The following EVL variants were observed in gnomAD, a reference collection of about 807,000 sequenced individuals.
EVL encodes Enah/Vasp-like.
In EVL, 21 loss-of-function variants were observed where a neutral mutation model predicts 59.6. The ratio of observed to expected loss-of-function variants is 0.35; its 90% confidence interval spans 0.25 to 0.51. The LOEUF (loss-of-function observed/expected upper bound fraction) is 0.51. Among genes scored for constraint, EVL ranks in the 20% least tolerant of loss-of-function variants. The pLI is 0.97. For missense variants in EVL, 462 were observed against 546.6 expected (o/e 0.85, Z 1.54); for synonymous variants, 198 against 203.5 (o/e 0.97, Z 0.23).
chr14:99,994,825 G>A (rs1338238787), intron 1 of EVL, among the ~76,000 whole-genome samples: 1 of 152,080 alleles, frequency 6.6e-6, no homozygotes, highest in Non-Finnish European at 1.5e-5. Context: ...TTTCTAGTAG[G>A]GGAGGTTTAG....
chr14:100,014,635 G>T (rs766760371), intron 1 of EVL, among the ~76,000 whole-genome samples: 3 of 152,106 alleles, frequency 2.0e-5, no homozygotes, highest in Non-Finnish European at 4.4e-5. Flanking sequence ...TCCTTTCTTT[G>T]GGGTATATAT....
At chr14:100,125,797 G>A (rs886949839) in intron 4 of EVL, among the ~76,000 whole-genome samples, 20 of 151,912 alleles carry the variant, frequency 1.3e-4, no homozygotes, top group Middle Eastern at 6.8e-3. Context: ...CTCGTCATCC[G>A]CCCGCCTCAC....
intron 1 of EVL, among the ~76,000 whole-genome samples, chr14:100,014,885 A>G (rs1365216557): frequency 1.3e-5 from 2 of 152,208 alleles, no homozygotes; most frequent in East Asian, 1.9e-4. Flanking sequence ...GCCATTGGAA[A>G]GATCCTTGAT....
intron 1 of EVL, among the ~76,000 whole-genome samples, chr14:100,050,928 T>G (rs1403811722): frequency 6.7e-6 from 1 of 150,014 alleles, no homozygotes; most frequent in Middle Eastern, 3.4e-3. Flanking sequence ...AAAAAAAAAT[T>G]AAGAGATGGG....
At chr14:100,082,127 A>T (rs2062322916) in intron 1 of EVL, among the ~76,000 whole-genome samples, 1 of 152,150 alleles carries the variant, frequency 6.6e-6, no homozygotes, top group Non-Finnish European at 1.5e-5. Flanking sequence ...CCGTCTCAAA[A>T]AAATAAATAA....
intron 1 of EVL, among the ~76,000 whole-genome samples, chr14:99,980,709 G>A (rs986689892): frequency 1.3e-5 from 2 of 152,202 alleles, no homozygotes; most frequent in African/African-American, 4.8e-5. Context: ...TTTTGTAAGG[G>A]CTATAGGGAT....
intron 1 of EVL, among the ~76,000 whole-genome samples, chr14:100,006,858 C>T (rs2060985845): frequency 6.7e-6 from 1 of 150,344 alleles, no homozygotes; most frequent in African/African-American, 2.5e-5. Flanking sequence ...CTTTAAATCT[C>T]ATCCAGATTT....
chr14:100,127,722 TGAGGACGTCATG>T lies in EVL; in HGVS notation c.488-787_488-776del, dbSNP rs1177360949. Among the ~76,000 whole-genome samples, 1 of 152,166 alleles carries T rather than the reference TGAGGACGTCATG, an allele frequency of 6.6e-6. No individual in the cohort carries two copies. The highest frequency in any genetic ancestry group is 2.4e-5 in the African/African-American group (1 of 41,438). On this transcript the variant is annotated intron_variant, in intron 5 of 13. Transcript: ENST00000392920. This position sits in a 1 kb window ranked among gnomAD's most constrained non-coding sequence, Gnocchi z 4.2. ...TGTCCCAGCTCCACAGTCACTTCCG[TGAGGACGTCATG>T]GAGGACGTCCGTCTTCCATGAACTT...
At chr14:100,068,685 C>T (rs1278878580) in intron 1 of EVL, among the ~76,000 whole-genome samples, 2 of 152,194 alleles carry the variant, frequency 1.3e-5, no homozygotes, top group African/African-American at 4.8e-5. Flanking sequence ...TGGTGGATCA[C>T]ACATGGGCGT....
intron 2 of EVL, among the ~76,000 whole-genome samples, chr14:100,091,003 A>G (rs1450165560): frequency 6.6e-6 from 1 of 152,096 alleles, no homozygotes; most frequent in South Asian, 2.1e-4. Flanking sequence ...AATAATATAT[A>G]CTAATATTAT....
intron 1 of EVL, among the ~76,000 whole-genome samples, chr14:100,058,641 T>A (rs1189739034): frequency 1.3e-5 from 2 of 152,276 alleles, no homozygotes; most frequent in African/African-American, 4.8e-5. Flanking sequence ...AGTACATGGT[T>A]ATTTATAAGA....
chr14:100,061,677 A>G (rs1318293922), upstream of EVL, among the ~76,000 whole-genome samples: 3 of 152,094 alleles, frequency 2.0e-5, no homozygotes, highest in African/African-American at 4.8e-5. Flanking sequence ...AATTTTAGCT[A>G]TTAAGAGCCT....
intron 7 of EVL, 56 bp downstream of exon 7, chr14:100,129,740 G>T: frequency 6.8e-7 from 1 of 1,475,700 alleles, no homozygotes. Flanking sequence ...TCCTGCCCCC[G>T]CCCCCAGCGC....
At chr14:100,096,436 A>G (rs945512866) in intron 2 of EVL, among the ~76,000 whole-genome samples, 4 of 152,192 alleles carry the variant, frequency 2.6e-5, no homozygotes, top group African/African-American at 7.2e-5. Flanking sequence ...AGTCACTGGC[A>G]GCCTACCTTG....
In EVL at chr14:100,128,589, G is replaced by A. The variant is rs753213998; in HGVS notation, c.558G>A (p.Pro186=). Reference sequence around the variant, plus strand: ...CCGTCTCATGTAGTGGGCCTCCACCGCCCCCCCCACCCCCAGTCCCACCTC... The same window carrying A: ...CCGTCTCATGTAGTGGGCCTCCACCACCCCCCCCACCCCCAGTCCCACCTC... ...SAPVSCSGPP[P]PPPPPVPPPP... The change falls in exon 6 of 14, where the codon CCG becomes CCA. Residue 186 remains proline (P), a synonymous_variant. Transcript: ENST00000392920. 5.0e-5 allele frequency: 42 copies of A among 835,708 alleles called. No homozygotes were observed. Among genetic ancestry groups the A allele is most frequent in the Middle Eastern group, 4.6e-4 (1 of 2,172 alleles). The allele number at this position is 835,708 out of a possible 1,614,324, so 51.8% of individuals were successfully genotyped here.
At chr14:100,019,299 C>G in intron 1 of EVL, 1 of 225,980 alleles carries the variant, frequency 4.4e-6, no homozygotes. Flanking sequence ...CTGCACAGTT[C>G]TGGTAGGGGG....
intron 1 of EVL, among the ~76,000 whole-genome samples, chr14:100,047,626 A>G (rs1295465855): frequency 6.6e-6 from 1 of 152,116 alleles, no homozygotes; most frequent in African/African-American, 2.4e-5. Context: ...CCTTGCTTAT[A>G]TTGTAATATC....
intron 1 of EVL, among the ~76,000 whole-genome samples, chr14:99,988,774 A>T (rs1397051455): frequency 6.6e-6 from 1 of 152,254 alleles, no homozygotes; most frequent in Non-Finnish European, 1.5e-5. Flanking sequence ...ATGGATGAAC[A>T]TCAGAAATAT....
intron 1 of EVL, among the ~76,000 whole-genome samples, chr14:100,047,429 G>C (rs2061571522): frequency 6.6e-6 from 1 of 152,054 alleles, no homozygotes; most frequent in East Asian, 1.9e-4. Context: ...TCTCCCTAGG[G>C]ATCACACAGA....
Sources: gnomAD v4.1 joint callset for allele counts (sites outside exome capture counted in the v4.1 genomes callset) on GRCh38, gnomAD v4.1.1 for gene constraint, Gnocchi (gnomAD v3.1) non-coding constraint, MANE v1.5 for transcripts, NCBI Gene and HGNC (gene_info 2026-07-23, HGNC 2026-07-21) for gene names.